Variants in SND1 observed in about 807,000 individuals in gnomAD.
SND1 encodes the protein staphylococcal nuclease and tudor domain containing 1.
In SND1, 38 loss-of-function variants were observed where a neutral mutation model predicts 121.7. That is an observed-to-expected ratio of 0.31 (90% CI 0.24 to 0.41). The LOEUF is 0.41. Among genes scored for constraint, SND1 ranks in the 10% least tolerant of loss-of-function variants. The pLI is 1.00. For missense variants in SND1, 868 were observed against 1,184.6 expected (o/e 0.73, Z 3.92); for synonymous variants, 401 against 447.4 (o/e 0.90, Z 1.31).
intron 16 of SND1, among the ~76,000 whole-genome samples, chr7:128,061,216 T>C (rs1420331553): frequency 6.6e-6 from 1 of 152,220 alleles, no homozygotes; most frequent in African/African-American, 2.4e-5. Flanking sequence ...AATGAAACCC[T>C]GGCTCCTGTC....
At chr7:128,039,988 G>A (rs551725069) in intron 16 of SND1, among the ~76,000 whole-genome samples, 1 of 152,290 alleles carries the variant, frequency 6.6e-6, no homozygotes, top group Admixed American at 6.5e-5. Flanking sequence ...GCTGGGCAAG[G>A]AGAGGAGCCC....
chr7:128,080,698 G>A (rs73238100), intron 17 of SND1, among the ~76,000 whole-genome samples: 12,396 of 152,204 alleles, frequency 0.081, 597 homozygotes, highest in South Asian at 0.16. Context: ...TCTCACACTC[G>A]GACGTGCATG....
chr7:127,926,612 G>A (rs1337840919), intron 14 of SND1, among the ~76,000 whole-genome samples: 5 of 143,152 alleles, frequency 3.5e-5, no homozygotes, highest in Admixed American at 7.1e-5. Context: ...GAGTGCAGTG[G>A]CACAATCTTG....
At chr7:127,689,918 A>G (rs1282538187) in intron 2 of SND1, among the ~76,000 whole-genome samples, 3 of 146,694 alleles carry the variant, frequency 2.0e-5, no homozygotes, top group African/African-American at 7.6e-5. Context: ...CCCTGCTCTC[A>G]TTTTGACTCC....
intron 15 of SND1, among the ~76,000 whole-genome samples, chr7:127,988,703 C>T (rs775248900): frequency 1.3e-5 from 2 of 152,100 alleles, no homozygotes; most frequent in Admixed American, 1.3e-4. Flanking sequence ...AAGTGAAGCT[C>T]GGAAATCTTT....
intron 10 of SND1, among the ~76,000 whole-genome samples, chr7:127,751,673 C>T (rs569071944): frequency 2.9e-4 from 44 of 152,330 alleles, no homozygotes; most frequent in Non-Finnish European, 4.4e-4. Context: ...CTATGTGACT[C>T]GTAGCAACCT....
intron 15 of SND1, among the ~76,000 whole-genome samples, chr7:127,942,373 G>A (rs993616555): frequency 2.6e-5 from 4 of 152,168 alleles, no homozygotes; most frequent in African/African-American, 7.2e-5. Flanking sequence ...CAAAGGTCTC[G>A]TGGAGCAGCC....
chr7:128,055,668 C>T (rs566577335), intron 16 of SND1, among the ~76,000 whole-genome samples: 7 of 152,286 alleles, frequency 4.6e-5, no homozygotes, highest in Admixed American at 6.5e-5. Flanking sequence ...AAAGGAGCTC[C>T]GGCAGTTCTG....
chr7:127,947,011 A>G (rs760473137), intron 15 of SND1, among the ~76,000 whole-genome samples: 2 of 152,172 alleles, frequency 1.3e-5, no homozygotes, highest in African/African-American at 2.4e-5. Flanking sequence ...TAGAAGTTCA[A>G]GGGGTCACCA....
intron 15 of SND1, among the ~76,000 whole-genome samples, chr7:127,933,996 C>G (rs1563062993): frequency 6.6e-6 from 1 of 152,136 alleles, no homozygotes; most frequent in Non-Finnish European, 1.5e-5. Context: ...CAAGGGAATA[C>G]AGACATGTAA....
intron 15 of SND1, among the ~76,000 whole-genome samples, chr7:127,975,757 T>C (rs1802105079): frequency 1.3e-5 from 2 of 152,142 alleles, no homozygotes; most frequent in Non-Finnish European, 1.5e-5. Context: ...GTGGCTCCTC[T>C]CTTTTGCCCT....
intron 16 of SND1, among the ~76,000 whole-genome samples, chr7:128,008,791 T>C (rs1803045547): frequency 6.6e-6 from 1 of 152,200 alleles, no homozygotes; most frequent in Admixed American, 6.5e-5. Context: ...GTGATGTCTG[T>C]TCGTCTTTTA....
At chr7:127,925,231 G>A (rs1252091142) in intron 14 of SND1, among the ~76,000 whole-genome samples, 1 of 152,190 alleles carries the variant, frequency 6.6e-6, no homozygotes, top group Non-Finnish European at 1.5e-5. Context: ...TAGAGCACAG[G>A]TAATGTGAAA....
intron 16 of SND1, among the ~76,000 whole-genome samples, chr7:128,069,388 C>A (rs1758043660): frequency 6.6e-6 from 1 of 152,146 alleles, no homozygotes; most frequent in African/African-American, 2.4e-5. Flanking sequence ...GTGCACAGGA[C>A]CCCTCCTCAT....
At chr7:127,681,005 G>C (rs1795715878) in intron 1 of SND1, among the ~76,000 whole-genome samples, 1 of 152,108 alleles carries the variant, frequency 6.6e-6, no homozygotes, top group Non-Finnish European at 1.5e-5. Flanking sequence ...CGTTCGGGGT[G>C]CCTGACTTCC....
At chr7:127,831,583 C>T (rs1798740713) in intron 11 of SND1, among the ~76,000 whole-genome samples, 1 of 152,156 alleles carries the variant, frequency 6.6e-6, no homozygotes, top group South Asian at 2.1e-4. Flanking sequence ...ATGATCATGT[C>T]CTTCTAACAG....
chr7:127,859,496 T>C (rs561692934), intron 12 of SND1, among the ~76,000 whole-genome samples: 4 of 152,308 alleles, frequency 2.6e-5, no homozygotes, highest in African/African-American at 9.6e-5. Flanking sequence ...CTTCCCAGAA[T>C]TCTCAGGGTC....
At chr7:127,959,438 G>A (rs764785571) in intron 15 of SND1, among the ~76,000 whole-genome samples, 2 of 152,164 alleles carry the variant, frequency 1.3e-5, no homozygotes. Flanking sequence ...GGTTCTTACT[G>A]TGGCCTGGAA....
intron 12 of SND1, among the ~76,000 whole-genome samples, chr7:127,852,683 C>T (rs910439691): frequency 6.6e-6 from 1 of 151,734 alleles, no homozygotes; most frequent in African/African-American, 2.4e-5. Flanking sequence ...TGGTGGCGCA[C>T]GCCTATAGTC....
Sources: gnomAD v4.1 joint callset for allele counts (sites outside exome capture counted in the v4.1 genomes callset) on GRCh38, gnomAD v4.1.1 for gene constraint, MANE v1.5 for transcripts, NCBI Gene and HGNC (gene_info 2026-07-23, HGNC 2026-07-21) for gene names.